Variants in PPM1H observed in about 807,000 individuals in gnomAD.
The protein encoded by PPM1H is protein phosphatase, Mg2+/Mn2+ dependent 1H.
Under a neutral mutation model 54.9 loss-of-function variants are expected in PPM1H, and 27 were observed. The ratio of observed to expected loss-of-function variants is 0.49; its 90% CI spans 0.36 to 0.68. PPM1H has a LOEUF of 0.68. Ranked by LOEUF, PPM1H falls within the 30% of genes least tolerant of loss-of-function variation. PPM1H has a pLI of 0.00. For synonymous variants in PPM1H, 305 were observed against 270.8 expected, an observed-to-expected ratio of 1.13 and a Z score of -1.24; for missense variants, 596 against 667.8, an observed-to-expected ratio of 0.89 and a Z score of 1.19.
intron 4 of PPM1H, among the ~76,000 whole-genome samples, chr12:62,766,062 C>T (rs1354617922): frequency 2.0e-5 from 3 of 152,098 alleles, no homozygotes; most frequent in Non-Finnish European, 4.4e-5. Context: ...AGTGGCCAGC[C>T]GTGTAAGGGG....
intron 5 of PPM1H, among the ~76,000 whole-genome samples, chr12:62,735,810 C>T (rs67693036): frequency 0.022 from 3,308 of 152,264 alleles, 56 homozygotes; most frequent in East Asian, 0.066. Flanking sequence ...AAGAGGAGTT[C>T]TCCTAACAGA....
At chr12:62,806,574 T>C (rs770020434) in intron 2 of PPM1H, among the ~76,000 whole-genome samples, 10 of 152,090 alleles carry the variant, frequency 6.6e-5, no homozygotes, top group Non-Finnish European at 1.2e-4. Context: ...TGGGGGTGGA[T>C]TTCCCCTTGT....
chr12:62,916,726 C>T (rs1249942066), intron 1 of PPM1H, among the ~76,000 whole-genome samples: 1 of 151,628 alleles, frequency 6.6e-6, no homozygotes, highest in African/African-American at 2.4e-5. Flanking sequence ...TGAAGCAGTT[C>T]TGGTATAAAT....
chr12:62,831,574 G>T (rs1053935402), intron 2 of PPM1H, among the ~76,000 whole-genome samples: 1 of 151,928 alleles, frequency 6.6e-6, no homozygotes, highest in Non-Finnish European at 1.5e-5. Flanking sequence ...GCAAGGAGGA[G>T]AAAGGGGCAG....
Position 62,905,570 on chromosome 12 carries a change from A to G in PPM1H, c.245+28922T>C, listed in dbSNP as rs140494975. Reference sequence around the variant, plus strand: ...CATTCCACTTTATTTTAATAAATGGAAGAGTGCTAGGTGTTTTGTTTCTTC... The same window carrying G: ...CATTCCACTTTATTTTAATAAATGGGAGAGTGCTAGGTGTTTTGTTTCTTC... On this transcript the variant is annotated intron_variant, in intron 1 of 9. Coordinates refer to ENST00000228705, the MANE Select transcript of PPM1H (RefSeq NM_020700.2). 2.6e-4 allele frequency among the ~76,000 whole-genome samples: 39 copies of G among 152,352 alleles called. No homozygotes were observed. The East Asian group carries it at 7.3e-3, about 29-fold the overall frequency.
intron 5 of PPM1H, among the ~76,000 whole-genome samples, chr12:62,735,280 C>T (rs781105254): frequency 6.6e-5 from 10 of 151,950 alleles, no homozygotes; most frequent in Non-Finnish European, 1.2e-4. Context: ...GGTGCAGTCT[C>T]GGTTCACTGC....
intron 1 of PPM1H, among the ~76,000 whole-genome samples, chr12:62,880,802 C>T (rs1056747965): frequency 1.3e-5 from 2 of 152,190 alleles, no homozygotes; most frequent in African/African-American, 2.4e-5. Context: ...TGAACATTCC[C>T]TTCTCCAGGT....
chr12:62,835,316 A>C (rs934461032), intron 1 of PPM1H, among the ~76,000 whole-genome samples: 1 of 152,256 alleles, frequency 6.6e-6, no homozygotes, highest in African/African-American at 2.4e-5. Context: ...ACTTCATTGC[A>C]TGCATATGAG....
chr12:62,758,032 T>C (rs2076486158), intron 4 of PPM1H, among the ~76,000 whole-genome samples: 1 of 152,206 alleles, frequency 6.6e-6, no homozygotes, highest in Non-Finnish European at 1.5e-5. Flanking sequence ...ATGAATTTGC[T>C]GTTCAAAAGG....
At chr12:62,746,007 C>T (rs899921369) in intron 4 of PPM1H, among the ~76,000 whole-genome samples, 1 of 152,024 alleles carries the variant, frequency 6.6e-6, no homozygotes, top group Non-Finnish European at 1.5e-5. Flanking sequence ...GCCTAGGCAA[C>T]ATACTGAGAC....
chr12:62,826,311 TG>T (rs1868290906), intron 2 of PPM1H, among the ~76,000 whole-genome samples: 1 of 152,110 alleles, frequency 6.6e-6, no homozygotes, highest in African/African-American at 2.4e-5. Flanking sequence ...TAGCCAGGTA[TG>T]GTGGTGCTTG....
At position 62,824,453 on chromosome 12, in the gene PPM1H, A is replaced by T. The variant is rs567412284; in HGVS notation, c.411+7661T>A. On this transcript the variant is annotated intron_variant, in intron 2 of 9. Coordinates refer to ENST00000228705, the MANE Select transcript of PPM1H (RefSeq NM_020700.2). ...AGCCCACATTGCCAAGACAATCCTA[A>T]GCAAAAAGAACAAAGCTGGAGGCAT... Among the ~76,000 whole-genome samples the T allele has an allele frequency of 3.3e-5, 5 of 152,366 alleles. 1 individual carries two copies. Among genetic ancestry groups the T allele is most frequent in the African/African-American group, 1.2e-4 (5 of 41,592 alleles).
At chr12:62,716,789 C>T (rs147415435) in intron 6 of PPM1H, among the ~76,000 whole-genome samples, 76 of 152,120 alleles carry the variant, frequency 5.0e-4, no homozygotes, top group African/African-American at 1.7e-3. Context: ...CTCGGCCTCT[C>T]AAAGTGCTAG....
intron 6 of PPM1H, among the ~76,000 whole-genome samples, chr12:62,700,624 C>T (rs905237636): frequency 2.6e-5 from 4 of 152,150 alleles, no homozygotes; most frequent in African/African-American, 9.7e-5. Context: ...AGTTTCTTGC[C>T]TACATTATTG....
chr12:62,834,204 C>T (rs1313226669), intron 1 of PPM1H, among the ~76,000 whole-genome samples: 1 of 152,138 alleles, frequency 6.6e-6, no homozygotes, highest in Non-Finnish European at 1.5e-5. Context: ...GCTTATCACA[C>T]ACTCTCAGGG....
rs1041528473 is a variant in PPM1H, at chr12:62,756,120, G to C, written c.870-18534C>G. 3.2e-5 allele frequency: 28 copies of C among 879,034 alleles called. No individual in the cohort carries two copies. The African/African-American group carries it at 3.5e-4, about 11-fold the overall frequency. The allele number at this position is 879,034 out of a possible 1,614,324, so 54.5% of individuals were successfully genotyped here. On this transcript the variant is annotated intron_variant, in intron 4 of 9. Coordinates refer to ENST00000228705, the MANE Select transcript of PPM1H (RefSeq NM_020700.2). ...CCACTCTTCAACCTTTGATGCTGGG[G>C]ATGGCATTGACCTCAACGACCACTT...
At chr12:62,756,256 G>C in intron 4 of PPM1H, 1 of 702,890 alleles carries the variant, frequency 1.4e-6, no homozygotes, top group South Asian at 1.4e-5. Flanking sequence ...ACCAACCCCA[G>C]CGAGAGCGAG....
At chr12:62,804,680 T>TA (rs2076794710) in intron 2 of PPM1H, among the ~76,000 whole-genome samples, 1 of 140,784 alleles carries the variant, frequency 7.1e-6, no homozygotes. Context: ...TTTTTTCTTT[T>TA]TTTTTTTTTT....
chr12:62,732,293 G>A (rs17098246), intron 5 of PPM1H, among the ~76,000 whole-genome samples: 14,571 of 152,204 alleles, frequency 0.096, 947 homozygotes, highest in East Asian at 0.2. Flanking sequence ...GGCCCTCTGA[G>A]GTCAGAATGC....
Sources: allele counts gnomAD v4.1 joint callset (sites outside exome capture counted in the v4.1 genomes callset), GRCh38; gene constraint gnomAD v4.1.1; transcripts MANE v1.5; gene names NCBI Gene and HGNC (gene_info 2026-07-23, HGNC 2026-07-21).